TENM3: variants seen among roughly 807,000 people sequenced by gnomAD.
The protein encoded by TENM3 is teneurin transmembrane protein 3.
TENM3 carries 63 observed loss-of-function variants against 255.1 expected under a neutral mutation model. That is an observed-to-expected ratio of 0.25 (90% confidence interval 0.20 to 0.30). The LOEUF (loss-of-function observed/expected upper bound fraction) is 0.30, where lower values mean the gene tolerates loss of function less well. Among genes scored for constraint, TENM3 ranks in the 10% least tolerant of loss-of-function variants. The pLI is 1.00. For synonymous variants in TENM3, 1,306 were observed against 1,322.3 expected, an observed-to-expected ratio of 0.99 and a Z score of 0.27; for missense variants, 2,929 against 3,461.1, an observed-to-expected ratio of 0.85 and a Z score of 3.86.
At chr4:181,911,368 G>GT in the TENM3 span, among the ~76,000 whole-genome samples, 1 of 152,106 alleles carries the variant, frequency 6.6e-6, no homozygotes, top group Admixed American at 6.6e-5. Context: ...ATGCTGTGTT[G>GT]TTTTTTTCCC....
At chr4:182,388,731 C>T (rs1009597274) in intron 3 of TENM3, among the ~76,000 whole-genome samples, 2 of 152,198 alleles carry the variant, frequency 1.3e-5, no homozygotes, top group South Asian at 2.1e-4. Flanking sequence ...GCTTTTGAAT[C>T]TCAAATTTAG....
intron 1 of TENM3, among the ~76,000 whole-genome samples, chr4:182,162,437 AG>A (rs1039093099): frequency 1.3e-5 from 2 of 152,190 alleles, no homozygotes; most frequent in African/African-American, 4.8e-5. Flanking sequence ...GCTAGGATTA[AG>A]TCTGAAGATG....
At position 182,673,073 on chromosome 4, in the gene TENM3, G is replaced by A; in HGVS notation, c.1180G>A (p.Ala394Thr). ...CGGAGAACTTGATATTGGCCGAAGAGCAATTCAAGAGATTCCTCCCGGGAT... is the reference window on the plus strand; with the variant it reads ...CGGAGAACTTGATATTGGCCGAAGAACAATTCAAGAGATTCCTCCCGGGAT... Reference protein sequence around the residue: ...DSGELDIGRRAIQEIPPGIFW... With the variant: ...DSGELDIGRRTIQEIPPGIFW... Residue 394 changes from alanine (A) to threonine (T), a missense_variant, in exon 7 of 28, where the codon GCA (alanine) becomes ACA (threonine). Physicochemically the swap from Ala to Thr is moderately conservative, Grantham distance 58. Around this residue, in one of 6 missense-constraint regions of TENM3, gnomAD observed 1,608 missense variants for 1,884.4 expected, o/e 0.85. Coordinates refer to ENST00000511685, the MANE Select transcript of TENM3 (RefSeq NM_001080477.4). 2.5e-6 allele frequency: 4 copies of A among 1,611,602 alleles called. No homozygotes were observed. The highest frequency in any genetic ancestry group is 3.4e-6 in the Non-Finnish European group (4 of 1,178,668).
the TENM3 span, among the ~76,000 whole-genome samples, chr4:182,100,628 CATATATACACAT>C: frequency 2.7e-5 from 1 of 36,862 alleles, no homozygotes; most frequent in Non-Finnish European, 5.0e-5. Flanking sequence ...TATACACACA[CATATATACACAT>C]ATATATACAC....
At chr4:181,479,563 T>C in the TENM3 span, among the ~76,000 whole-genome samples, 2 of 152,136 alleles carry the variant, frequency 1.3e-5, no homozygotes, top group Non-Finnish European at 2.9e-5. Flanking sequence ...CTGTACTTTA[T>C]TCTACTGTCA....
At chr4:181,759,696 G>T in the TENM3 span, among the ~76,000 whole-genome samples, 1 of 150,108 alleles carries the variant, frequency 6.7e-6, no homozygotes, top group African/African-American at 2.4e-5. Flanking sequence ...GAGGAAAAAA[G>T]CAAGGATTTA....
the TENM3 span, among the ~76,000 whole-genome samples, chr4:181,917,541 T>C: frequency 6.6e-6 from 1 of 151,992 alleles, no homozygotes; most frequent in Non-Finnish European, 1.5e-5. Context: ...AAGCTCCTGG[T>C]TGGAGCTGGG....
intron 1 of TENM3, among the ~76,000 whole-genome samples, chr4:182,145,906 G>T (rs1345466751): frequency 2.6e-5 from 4 of 152,200 alleles, no homozygotes; most frequent in African/African-American, 9.6e-5. Flanking sequence ...ATATGTTGAG[G>T]CATTACCTTT....
chr4:182,145,606 G>A (rs1749906741), intron 1 of TENM3, among the ~76,000 whole-genome samples: 1 of 152,156 alleles, frequency 6.6e-6, no homozygotes, highest in Non-Finnish European at 1.5e-5. Context: ...TTATTGTAGA[G>A]AGAGGGTAAC....
intron 19 of TENM3, among the ~76,000 whole-genome samples, chr4:182,748,192 A>G (rs1418661842): frequency 6.6e-6 from 1 of 152,198 alleles, no homozygotes; most frequent in African/African-American, 2.4e-5. Context: ...GGTGTAATAT[A>G]CTAAAGGTTC....
the TENM3 span, among the ~76,000 whole-genome samples, chr4:181,802,763 T>G: frequency 6.6e-6 from 1 of 152,200 alleles, no homozygotes; most frequent in Non-Finnish European, 1.5e-5. Flanking sequence ...CAACTCTTTA[T>G]AGTTCCATTT....
chr4:182,322,183 A>G (rs1321776244), intron 1 of TENM3, among the ~76,000 whole-genome samples: 1 of 152,230 alleles, frequency 6.6e-6, no homozygotes, highest in East Asian at 1.9e-4. Flanking sequence ...CAGAGGGGTC[A>G]GTGAAAAATC....
At chr4:182,039,099 C>T in the TENM3 span, among the ~76,000 whole-genome samples, 1 of 152,148 alleles carries the variant, frequency 6.6e-6, no homozygotes, top group Non-Finnish European at 1.5e-5. Context: ...AACACTGCCT[C>T]AAAAATCTTG....
At chr4:182,502,354 C>T (rs951059088) in intron 3 of TENM3, among the ~76,000 whole-genome samples, 2 of 152,018 alleles carry the variant, frequency 1.3e-5, no homozygotes, top group African/African-American at 4.8e-5. Flanking sequence ...AAACTCACAC[C>T]CTCTGTTATG....
chr4:182,746,067 G>T (rs1224763362), intron 19 of TENM3, among the ~76,000 whole-genome samples: 1 of 152,142 alleles, frequency 6.6e-6, no homozygotes, highest in Non-Finnish European at 1.5e-5. Flanking sequence ...AGCGTTAACT[G>T]ATCACTTACC....
intron 27 of TENM3, among the ~76,000 whole-genome samples, chr4:182,798,812 A>G (rs1766683419): frequency 1.3e-5 from 2 of 152,226 alleles, no homozygotes; most frequent in Non-Finnish European, 2.9e-5. Flanking sequence ...AGGCTGCCCC[A>G]AGTACAGAAA....
At chr4:182,470,326 A>G (rs1260437219) in intron 3 of TENM3, among the ~76,000 whole-genome samples, 2 of 152,212 alleles carry the variant, frequency 1.3e-5, no homozygotes, top group Non-Finnish European at 2.9e-5. Flanking sequence ...TTTTCTCACA[A>G]TATCTTAGTT....
At chr4:182,299,618 GA>G (rs1331989952) in intron 1 of TENM3, among the ~76,000 whole-genome samples, 2 of 152,296 alleles carry the variant, frequency 1.3e-5, no homozygotes, top group East Asian at 3.9e-4. Flanking sequence ...ACAGATCTTA[GA>G]GTTAGCAGGC....
At chr4:182,371,510 A>C (rs780839766) in intron 3 of TENM3, among the ~76,000 whole-genome samples, 2 of 152,022 alleles carry the variant, frequency 1.3e-5, no homozygotes, top group African/African-American at 2.4e-5. Flanking sequence ...AATATCCACA[A>C]CGTGTTACCT....
Sources: gnomAD v4.1 joint callset for allele counts (sites outside exome capture counted in the v4.1 genomes callset) on GRCh38, gnomAD v4.1.1 for gene constraint, gnomAD v4.1.1 regional missense constraint, MANE v1.5 for transcripts, NCBI Gene and HGNC (gene_info 2026-07-23, HGNC 2026-07-21) for gene names.